Variants in CHRNA7 observed in about 807,000 individuals in gnomAD.
CHRNA7 encodes cholinergic receptor nicotinic alpha 7 subunit.
CHRNA7 carries 17 observed loss-of-function variants against 48.0 expected under a neutral mutation model. The ratio of observed to expected loss-of-function variants is 0.35; its 90% CI spans 0.24 to 0.53. The LOEUF (loss-of-function observed/expected upper bound fraction) is 0.53. CHRNA7 is among the 20% of genes least tolerant of loss of function. The pLI, the probability that CHRNA7 is intolerant of heterozygous loss-of-function variation, is 0.92. For synonymous variants in CHRNA7, 75 were observed against 242.3 expected (o/e 0.31, Z 6.41); for missense variants, 155 against 577.7 (o/e 0.27, Z 7.50).
chr15:32,138,711 A>G (rs771861689), intron 4 of CHRNA7, among the ~76,000 whole-genome samples: 4 of 137,252 alleles, frequency 2.9e-5, no homozygotes, highest in Non-Finnish European at 4.9e-5. Context: ...TCTGCAATCC[A>G]TGGCAGCCAT....
At chr15:32,036,739 G>C (rs1401869883) in intron 2 of CHRNA7, among the ~76,000 whole-genome samples, 1 of 148,936 alleles carries the variant, frequency 6.7e-6, no homozygotes, top group Non-Finnish European at 1.5e-5. Context: ...CTTTGGTAAG[G>C]TGTCTGTTAA....
At chr15:32,062,614 C>T (rs533411406) in intron 2 of CHRNA7, among the ~76,000 whole-genome samples, 5 of 152,270 alleles carry the variant, frequency 3.3e-5, no homozygotes, top group African/African-American at 1.2e-4. Context: ...TGTTCTGCAG[C>T]TGTCAGACTG....
intron 2 of CHRNA7, among the ~76,000 whole-genome samples, chr15:32,087,320 T>C (rs2050313708): frequency 6.6e-6 from 1 of 152,192 alleles, no homozygotes; most frequent in African/African-American, 2.4e-5. Context: ...ACTGGTGTTA[T>C]TTTATTTTTT....
At chr15:32,086,376 A>T (rs933910464) in intron 2 of CHRNA7, among the ~76,000 whole-genome samples, 1 of 151,618 alleles carries the variant, frequency 6.6e-6, no homozygotes, top group Non-Finnish European at 1.5e-5. Context: ...TCAAAAAAAA[A>T]AAAAAAAAAA....
chr15:32,099,525 A>G (rs1204332445), intron 2 of CHRNA7: 1 of 152,238 alleles, frequency 6.6e-6, no homozygotes, highest in East Asian at 1.9e-4. Flanking sequence ...GAAAGAAGAA[A>G]GCCTTTTAAT....
At chr15:32,107,116 A>C (rs9788679) in intron 3 of CHRNA7, among the ~76,000 whole-genome samples, 117,295 of 152,102 alleles carry the variant, frequency 0.77, 45,920 homozygotes, top group East Asian at 0.94. Flanking sequence ...TTGAAAAGAT[A>C]AGTGTTTTCT....
chr15:32,078,952 C>A (rs1356870910), intron 2 of CHRNA7, among the ~76,000 whole-genome samples: 1 of 152,174 alleles, frequency 6.6e-6, no homozygotes, highest in Non-Finnish European at 1.5e-5. Flanking sequence ...GCTTATCCAC[C>A]ATGATCAAGT....
chr15:32,082,364 G>A lies in CHRNA7; in HGVS notation c.196-18939G>A, dbSNP rs577496421. ...ATTTTTTTTGTAGTCCCATAAGTCT[G>A]ACTTTTTTTTCAGTTTATTTTACCT... On this transcript the variant is annotated intron_variant, in intron 2 of 9. Coordinates refer to ENST00000306901, the MANE Select transcript of CHRNA7 (RefSeq NM_000746.6). Among the ~76,000 whole-genome samples, 7 of 128,478 alleles carry A rather than the reference G, an allele frequency of 5.4e-5. No homozygotes were observed. In the South Asian group the frequency reaches 1.8e-3, roughly 33 times the overall value. The allele number at this position is 128,478 out of a possible 152,430, so 84.3% of individuals were successfully genotyped here. A position where few individuals can be genotyped will look rare whatever the true frequency, so the allele number is the denominator to read the frequency against.
At chr15:32,041,913 G>C (rs144485116) in intron 2 of CHRNA7, among the ~76,000 whole-genome samples, 276 of 152,262 alleles carry the variant, frequency 1.8e-3, no homozygotes, top group African/African-American at 6.5e-3. Flanking sequence ...CATGATGTCT[G>C]CTTTTTCCAT....
chr15:32,040,598 A>ATGTGTG (rs1332326333), intron 2 of CHRNA7, among the ~76,000 whole-genome samples: 3 of 92,222 alleles, frequency 3.3e-5, no homozygotes, highest in African/African-American at 8.2e-5. Context: ...GTGTGTGTAT[A>ATGTGTG]TGTGTGTATG....
At chr15:32,075,418 G>A (rs1235798436) in intron 2 of CHRNA7, among the ~76,000 whole-genome samples, 2 of 152,128 alleles carry the variant, frequency 1.3e-5, no homozygotes, top group African/African-American at 4.8e-5. Flanking sequence ...TGTATTAGGT[G>A]AGTTGTAATC....
At chr15:32,044,239 C>G (rs1397026833) in intron 2 of CHRNA7, among the ~76,000 whole-genome samples, 1 of 140,714 alleles carries the variant, frequency 7.1e-6, no homozygotes, top group African/African-American at 2.6e-5. Flanking sequence ...GTTGCCAGAT[C>G]GATCGATCTT....
intron 4 of CHRNA7, among the ~76,000 whole-genome samples, chr15:32,115,416 G>GC (rs944428758): frequency 2.0e-5 from 3 of 152,014 alleles, no homozygotes; most frequent in African/African-American, 7.2e-5. Context: ...TGTCATCTCT[G>GC]CCCCCCCTTG....
rs146601563 is a variant in CHRNA7 at position 32,073,036 on chromosome 15, A to G, written c.196-28267A>G. 2.4e-3 allele frequency among the ~76,000 whole-genome samples: 372 copies of G among 152,316 alleles called. 1 individual carries two copies. The highest frequency in any genetic ancestry group is 8.6e-3 in the African/African-American group (356 of 41,576). On this transcript the variant is annotated intron_variant, in intron 2 of 9. Coordinates refer to ENST00000306901, the MANE Select transcript of CHRNA7 (RefSeq NM_000746.6). The stretch of plus-strand genomic sequence containing the variant: ...AAGGGGGCAACCATCCGCCAGACCC[A>G]TGAATGGTAGAGCCACTGTCAGCTT...
chr15:32,044,091 A>G lies in CHRNA7; in HGVS notation c.195+13054A>G, dbSNP rs80049863. ...TTCTTGTTTTCTTTGGTCACTTTTA[A>G]ATTTTATTCTTTGTCTTTGATTTTT... is the stretch of plus-strand genomic sequence containing the variant. On this transcript the variant is annotated intron_variant, in intron 2 of 9. Transcript: ENST00000306901. Among the ~76,000 whole-genome samples, 8 of 152,098 alleles carry G rather than the reference A, an allele frequency of 5.3e-5. No individual in the cohort carries two copies. In the South Asian group the frequency reaches 1.5e-3, roughly 28 times the overall value.
intron 4 of CHRNA7, among the ~76,000 whole-genome samples, chr15:32,123,350 A>G (rs2051006787): frequency 6.7e-6 from 1 of 149,762 alleles, no homozygotes; most frequent in Admixed American, 6.7e-5. Context: ...CTATCAGAGT[A>G]ACAGAAATAG....
intron 4 of CHRNA7, among the ~76,000 whole-genome samples, chr15:32,134,900 G>T (rs1384847011): frequency 6.6e-6 from 1 of 152,228 alleles, no homozygotes; most frequent in Non-Finnish European, 1.5e-5. Context: ...AGTTTCCTGC[G>T]TGAATCATAG....
intron 4 of CHRNA7, among the ~76,000 whole-genome samples, chr15:32,143,740 C>G (rs992413652): frequency 1.4e-4 from 22 of 151,916 alleles, no homozygotes; most frequent in Admixed American, 2.6e-4. Flanking sequence ...GGATTGCAAC[C>G]CCTGCTTTTT....
intron 4 of CHRNA7, among the ~76,000 whole-genome samples, chr15:32,138,677 T>G (rs1388371544): frequency 6.6e-6 from 1 of 152,104 alleles, no homozygotes; most frequent in Non-Finnish European, 1.5e-5. Context: ...TCCTCGGTGC[T>G]CCACCTATTC....
Sources: allele counts gnomAD v4.1 joint callset (sites outside exome capture counted in the v4.1 genomes callset), GRCh38; gene constraint gnomAD v4.1.1; transcripts MANE v1.5; gene names NCBI Gene and HGNC (gene_info 2026-07-23, HGNC 2026-07-21).